The following MCMBP variants were observed in gnomAD, a reference collection of about 807,000 sequenced individuals.
MCMBP encodes the protein mini-chromosome maintenance complex-binding protein.
A neutral mutation model predicts 81.3 loss-of-function variants in MCMBP; 31 were observed. That is an observed-to-expected ratio of 0.38 (90% CI 0.29 to 0.51). The LOEUF (loss-of-function observed/expected upper bound fraction) is 0.51. MCMBP is among the 20% of genes least tolerant of loss of function. The pLI is 0.87. For synonymous variants in MCMBP, 267 were observed against 275.9 expected (o/e 0.97, Z 0.32); for missense variants, 645 against 772.1 (o/e 0.84, Z 1.95).
chr10:119,838,306 A>G (rs1011894940), intron 12 of MCMBP, among the ~76,000 whole-genome samples: 2 of 148,244 alleles, frequency 1.3e-5, no homozygotes, highest in African/African-American at 4.9e-5. Context: ...GATATATTAT[A>G]TAAGATATAT....
chr10:119,832,266 T>C (rs1334871743), intron 14 of MCMBP, among the ~76,000 whole-genome samples, 166 bp from the exon 15 acceptor site: 1 of 151,938 alleles, frequency 6.6e-6, no homozygotes, highest in Non-Finnish European at 1.5e-5. Flanking sequence ...CTGATGAAAA[T>C]AAAATAATGA....
At chr10:119,835,397 C>T (rs1589774251) in intron 14 of MCMBP, 143 bp downstream of exon 14, 1 of 735,966 alleles carries the variant, frequency 1.4e-6, no homozygotes, top group East Asian at 2.8e-5. Flanking sequence ...AACAAAAAGA[C>T]AATAATGGAG....
At chr10:119,836,633 G>A (rs1283313300) in intron 13 of MCMBP, among the ~76,000 whole-genome samples, 1 of 152,168 alleles carries the variant, frequency 6.6e-6, no homozygotes, top group Admixed American at 6.5e-5. Context: ...GCTCAGATGT[G>A]GGTGTTTCTG....
At chr10:119,870,762 T>G (rs547336885) in intron 1 of MCMBP, among the ~76,000 whole-genome samples, 1 of 152,322 alleles carries the variant, frequency 6.6e-6, no homozygotes, top group South Asian at 2.1e-4. Context: ...ACAATCACAG[T>G]GATACGAAAA....
intron 2 of MCMBP, 23 bp downstream of exon 2, chr10:119,859,776 C>T: frequency 1.9e-6 from 3 of 1,565,638 alleles, no homozygotes; most frequent in Non-Finnish European, 1.8e-6. Flanking sequence ...AACCCTCTCC[C>T]TCGAAAATAG....
At chr10:119,865,768 T>C (rs1853429208) in intron 1 of MCMBP, among the ~76,000 whole-genome samples, 1 of 151,986 alleles carries the variant, frequency 6.6e-6, no homozygotes, top group Non-Finnish European at 1.5e-5. Context: ...AATGGAATGT[T>C]ATTTTCAGCC....
chr10:119,852,831 A>C (rs1287859817), intron 6 of MCMBP, among the ~76,000 whole-genome samples: 1 of 152,276 alleles, frequency 6.6e-6, no homozygotes, highest in Non-Finnish European at 1.5e-5. Flanking sequence ...TGAGACTCCA[A>C]ACACATACAT....
chr10:119,831,448 C>G lies in MCMBP; in HGVS notation c.*26G>C, dbSNP rs749130124. ...TACAATTATGTGGCTACAGTTTGCCCATTACTCTTCATAGGTATTACATCT... is the reference window on the plus strand; with the variant it reads ...TACAATTATGTGGCTACAGTTTGCCGATTACTCTTCATAGGTATTACATCT... On this transcript the variant is annotated 3_prime_UTR_variant, in exon 16 of 16. Coordinates refer to ENST00000369077, the MANE Select transcript of MCMBP (RefSeq NM_001256378.2). 4.3e-6 allele frequency: 7 copies of G among 1,612,386 alleles called. No homozygotes were observed. Among genetic ancestry groups the G allele is most frequent in the Non-Finnish European group, 5.9e-6 (7 of 1,179,206 alleles).
Position 119,838,625 on chromosome 10 carries a change from G to A in MCMBP, c.1318C>T (p.Arg440Cys), listed in dbSNP as rs781060535. The A allele has an allele frequency of 6.2e-7, 1 of 1,614,114 alleles. No homozygotes were observed. Residue 440 changes from arginine to cysteine, a missense_variant, in exon 12 of 16, where the codon CGC becomes TGC. Coordinates refer to ENST00000369077, the MANE Select transcript of MCMBP (RefSeq NM_001256378.2). ...AGCTGGAGGAGCCCACTGACCAAGC[G>A]ATTGGCTGTGTAGTCTTTGTGGGGA... ...FIPHKDYTANRLVSGLLQLPS... is the reference protein window; with the variant it reads ...FIPHKDYTANCLVSGLLQLPS...
chr10:119,837,626 A>C (rs1373120181), intron 12 of MCMBP, among the ~76,000 whole-genome samples: 1 of 152,158 alleles, frequency 6.6e-6, no homozygotes, highest in Non-Finnish European at 1.5e-5. Context: ...ACGGGAGGTT[A>C]AAACATAATT....
At chr10:119,871,934 C>T (rs1853688123) in intron 1 of MCMBP, among the ~76,000 whole-genome samples, 1 of 152,222 alleles carries the variant, frequency 6.6e-6, no homozygotes, top group Admixed American at 6.5e-5. Flanking sequence ...CTTGCTGGCT[C>T]TGGCACAGGA....
At chr10:119,853,450 G>A (rs1852904882) in intron 5 of MCMBP, among the ~76,000 whole-genome samples, 2 of 152,194 alleles carry the variant, frequency 1.3e-5, no homozygotes, top group Admixed American at 1.3e-4. Flanking sequence ...GGACAACAGG[G>A]AGCATAAGGT....
chr10:119,857,561 C>A, intron 4 of MCMBP, 122 bp from the exon 5 acceptor site: 1 of 543,354 alleles, frequency 1.8e-6, no homozygotes, highest in Middle Eastern at 4.8e-4. Flanking sequence ...GATTAATTAA[C>A]AAGTAACTAA....
intron 11 of MCMBP, among the ~76,000 whole-genome samples, chr10:119,839,358 A>G (rs1486462800): frequency 6.6e-6 from 1 of 152,240 alleles, no homozygotes; most frequent in African/African-American, 2.4e-5. Context: ...CCATCCCTCC[A>G]GCCTCAAACA....
At chr10:119,852,217 A>G (rs1302458165) in intron 6 of MCMBP, among the ~76,000 whole-genome samples, 2 of 150,448 alleles carry the variant, frequency 1.3e-5, no homozygotes, top group Non-Finnish European at 3.0e-5. Context: ...GTAAATGACC[A>G]GACTGATTTG....
chr10:119,831,891 G>T, intron 15 of MCMBP, 121 bp downstream of exon 15: 1 of 1,032,848 alleles, frequency 9.7e-7, no homozygotes. Flanking sequence ...CTTTCATACA[G>T]CGTTTTTAAA....
chr10:119,837,144 A>T, intron 12 of MCMBP, 115 bp from the exon 13 acceptor site: 1 of 1,076,616 alleles, frequency 9.3e-7, no homozygotes, highest in Non-Finnish European at 1.3e-6. Context: ...AAAGGGTATG[A>T]GGCGCTGTCC....
At chr10:119,847,390 G>A (rs147580670) in intron 8 of MCMBP, among the ~76,000 whole-genome samples, 337 of 152,226 alleles carry the variant, frequency 2.2e-3, no homozygotes, top group African/African-American at 7.7e-3. Context: ...AAGCAGTTAG[G>A]GGTAAAAGGG....
chr10:119,871,536 G>A (rs926337375), intron 1 of MCMBP, among the ~76,000 whole-genome samples: 1 of 152,078 alleles, frequency 6.6e-6, no homozygotes. Flanking sequence ...AAGCACTAGA[G>A]GCCCTCCTAT....
Sources: allele counts gnomAD v4.1 joint callset (sites outside exome capture counted in the v4.1 genomes callset), GRCh38; gene constraint gnomAD v4.1.1; transcripts MANE v1.5; gene names NCBI Gene and HGNC (gene_info 2026-07-23, HGNC 2026-07-21).